Variants in METTL13 observed in about 807,000 individuals in gnomAD.
The protein encoded by METTL13 is methyltransferase 13, eEF1A N-terminus and K55.
Under a neutral mutation model 67.4 loss-of-function variants are expected in METTL13, and 52 were observed. The ratio of observed to expected loss-of-function variants is 0.77; its 90% CI spans 0.62 to 0.97. The LOEUF is 0.97. Among genes scored for constraint, METTL13 ranks in the 50% least tolerant of loss-of-function variants. METTL13 has a pLI of 0.00. For missense variants in METTL13, 825 were observed against 889.6 expected (o/e 0.93, Z 0.92); for synonymous variants, 354 against 353.6 (o/e 1.00, Z -0.01).
At chr1:171,785,100 G>A (rs1466378067) in intron 2 of METTL13, among the ~76,000 whole-genome samples, 1 of 152,202 alleles carries the variant, frequency 6.6e-6, no homozygotes, top group Non-Finnish European at 1.5e-5. Flanking sequence ...TAACTCTGGT[G>A]TAGTTGTGAG....
chr1:171,784,139 C>G lies in METTL13; in HGVS notation c.553C>G (p.Gln185Glu). ...GGAGGGGTGGATGGTGAGGGTGCAC[C>G]AAGTGGCCAACAGCCAGGACCAGGT... is the stretch of plus-strand genomic sequence containing the variant. ...SREGWMVRVH[Q>E]VANSQDQVLE... Residue 185 changes from glutamine to glutamate, a missense_variant, in exon 2 of 8, where the codon CAA becomes GAA. By Grantham distance (29) the Gln-to-Glu change is conservative (BLOSUM62 2). Coordinates refer to ENST00000361735, the MANE Select transcript of METTL13 (RefSeq NM_015935.5). 1 of 1,614,226 alleles carries G rather than the reference C, an allele frequency of 6.2e-7. No individual in the cohort carries two copies. The highest frequency in any genetic ancestry group is 8.5e-7 in the Non-Finnish European group (1 of 1,180,044).
At position 171,797,549 on chromosome 1, in the gene METTL13, A is replaced by T. The variant is rs2029870197; in HGVS notation, c.*793A>T. On this transcript the variant is annotated 3_prime_UTR_variant, in exon 8 of 8. Transcript: ENST00000361735. ...AGAATGACCAAAAACATTAGTAATGAAAGTTAATGTGTTCCAGGCATTCTT... is the reference window on the plus strand; with the variant it reads ...AGAATGACCAAAAACATTAGTAATGTAAGTTAATGTGTTCCAGGCATTCTT... 1 of 152,228 alleles carries T rather than the reference A, an allele frequency of 6.6e-6. No homozygotes were observed. Among genetic ancestry groups the T allele is most frequent in the Non-Finnish European group, 1.5e-5 (1 of 68,028 alleles). 9.4% of individuals were successfully genotyped at this position (152,228 alleles called of 1,614,324 possible).
intron 5 of METTL13, among the ~76,000 whole-genome samples, chr1:171,791,242 G>C (rs953299530): frequency 2.6e-5 from 4 of 152,154 alleles, no homozygotes; most frequent in African/African-American, 7.2e-5. Context: ...GTCTTCCTTT[G>C]ATCCCCCTGT....
At position 171,796,532 on chromosome 1, in the gene METTL13, G is replaced by A; in HGVS notation, c.1876G>A (p.Val626Met). Residue 626 changes from valine (V) to methionine (M), a missense_variant, in exon 8 of 8, where the codon GTG becomes ATG. Val to Met is a conservative substitution (Grantham distance 21, BLOSUM62 1). Coordinates refer to ENST00000361735, the MANE Select transcript of METTL13 (RefSeq NM_015935.5). ...CCGAGACTTGGGGCTAAAAGACTCA[G>A]TGCTGGCTGGGCTCAAGGCAGTGTT... is the stretch of plus-strand genomic sequence containing the variant. ...VCRDLGLKDS[V>M]LAGLKAVFPL... The A allele has an allele frequency of 6.2e-7, 1 of 1,614,202 alleles. No individual in the cohort carries two copies. Among genetic ancestry groups the A allele is most frequent in the Non-Finnish European group, 8.5e-7 (1 of 1,180,042 alleles).
At chr1:171,791,995 A>T (rs769974015) in intron 5 of METTL13, 22 bp from the exon 6 acceptor site, 2 of 1,611,740 alleles carry the variant, frequency 1.2e-6, no homozygotes, top group South Asian at 2.2e-5. Flanking sequence ...TGGCAATGTG[A>T]TGCTCTATTC....
chr1:171,792,262 G>A, intron 6 of METTL13, 27 bp downstream of exon 6: 1 of 1,612,690 alleles, frequency 6.2e-7, no homozygotes, highest in Non-Finnish European at 8.5e-7. Context: ...ATTTGAAGGG[G>A]TGTTGAGGGA....
At chr1:171,790,022 A>G (rs2124902800) in intron 4 of METTL13, among the ~76,000 whole-genome samples, 1 of 152,232 alleles carries the variant, frequency 6.6e-6, no homozygotes, top group East Asian at 1.9e-4. Context: ...GCATGGTACC[A>G]ACTTCTGCAT....
Position 171,791,997 on chromosome 1 carries a change from G to A in METTL13, c.1475-20G>A, listed in dbSNP as rs763077624. 3 of 1,611,720 alleles carry A rather than the reference G, an allele frequency of 1.9e-6. No individual in the cohort carries two copies. Among genetic ancestry groups the A allele is most frequent in the South Asian group, 1.1e-5 (1 of 90,970 alleles). ...TCCAGTGAACAGGTGGCAATGTGAT[G>A]CTCTATTCTTTTCTTACAGAGATCC... is the stretch of plus-strand genomic sequence containing the variant. On this transcript the variant is annotated intron_variant, in intron 5 of 7. Transcript: ENST00000361735.
intron 5 of METTL13, among the ~76,000 whole-genome samples, chr1:171,791,401 C>T (rs1007434004): frequency 4.6e-5 from 7 of 152,208 alleles, no homozygotes; most frequent in Admixed American, 2.6e-4. Context: ...TGCACCTCTG[C>T]TGCCTTGTAA....
At position 171,783,841 on chromosome 1, in the gene METTL13, G is replaced by A; in HGVS notation, c.255G>A (p.Lys85=). 6.2e-7 allele frequency: 1 copy of A among 1,614,232 alleles called. No homozygotes were observed. Among genetic ancestry groups the A allele is most frequent in the East Asian group, 2.2e-5 (1 of 44,884 alleles). ...TCGACATCAGTGAGGTTGTCATCAAGCAAATGAAGGAATGTAATGCCACCC... is the reference window on the plus strand; with the variant it reads ...TCGACATCAGTGAGGTTGTCATCAAACAAATGAAGGAATGTAATGCCACCC... The part of the protein sequence containing the change: ...VNIDISEVVI[K]QMKECNATRR... The change falls in exon 2 of 8, where the codon AAG becomes AAA. Residue 85 remains lysine (K), a synonymous_variant. Transcript: ENST00000361735.
At chr1:171,791,909 C>A (rs1657219989) in intron 5 of METTL13, 108 bp from the exon 6 acceptor site, 2 of 1,084,172 alleles carry the variant, frequency 1.8e-6, no homozygotes, top group African/African-American at 3.1e-5. Context: ...AATCTTGTAT[C>A]CCCTGAATGG....
chr1:171,789,032 G>T (rs548372435), intron 4 of METTL13, among the ~76,000 whole-genome samples: 1 of 152,230 alleles, frequency 6.6e-6, no homozygotes, highest in South Asian at 2.1e-4. Flanking sequence ...GCTGCAGGTT[G>T]GTCCAGTTTC....
rs182855103 is a variant in METTL13, at chr1:171,787,771, C to T, written c.1150C>T (p.Arg384Trp). Residue 384 changes from arginine (R) to tryptophan (W), a missense_variant, in exon 4 of 8, where the codon CGG (arginine) becomes TGG (tryptophan). Arg to Trp is a moderately radical substitution (Grantham distance 101). Coordinates refer to ENST00000361735, the MANE Select transcript of METTL13 (RefSeq NM_015935.5). ...FLSVGGDIGV[R>W]TVQHQDCSPL... ...GTCTGTGGGTGGGGACATTGGGGTC[C>T]GGACCGTTCAGCACCAAGACTGCAG... The T allele has an allele frequency of 8.1e-6, 13 of 1,614,096 alleles. No individual in the cohort carries two copies. Among genetic ancestry groups the T allele is most frequent in the African/African-American group, 1.3e-5 (1 of 75,016 alleles).
chr1:171,790,397 C>G (rs1394660789), intron 4 of METTL13, 55 bp from the exon 5 acceptor site: 1 of 1,429,084 alleles, frequency 7.0e-7, no homozygotes. Flanking sequence ...TGCCAGTAAC[C>G]CTTGCTTCCT....
intron 7 of METTL13, 90 bp downstream of exon 7, chr1:171,794,617 T>G (rs1657307439): frequency 6.4e-7 from 1 of 1,558,550 alleles, no homozygotes; most frequent in South Asian, 1.2e-5. Context: ...AAGTGCGAGC[T>G]CGATCAATTT....
chr1:171,794,363 A>C, intron 6 of METTL13, 33 bp from the exon 7 acceptor site: 2 of 1,613,904 alleles, frequency 1.2e-6, no homozygotes, highest in South Asian at 1.1e-5. Context: ...TTTATCCAGC[A>C]AAGACAAGGA....
In METTL13 at chr1:171,790,397, C is replaced by A. The variant is rs1394660789; in HGVS notation, c.1310-55C>A. On this transcript the variant is annotated intron_variant, in intron 4 of 7. Transcript: ENST00000361735. ...TCTGGAGCACACTGCTGCCAGTAAC[C>A]CTTGCTTCCTGAGGACTAGTGTACT... 3.5e-6 allele frequency: 5 copies of A among 1,429,084 alleles called. No individual in the cohort carries two copies. The African/African-American group carries it at 5.8e-5, about 17-fold the overall frequency. 88.5% of individuals were successfully genotyped at this position (1,429,084 alleles called of 1,614,324 possible).
At chr1:171,785,003 C>T (rs764070862) in intron 2 of METTL13, among the ~76,000 whole-genome samples, 1 of 152,182 alleles carries the variant, frequency 6.6e-6, no homozygotes, top group Non-Finnish European at 1.5e-5. Context: ...TGGAACCAGA[C>T]TGTTTGGGTT....
Position 171,796,863 on chromosome 1 carries a change from T to G in METTL13, c.*107T>G. ...TACTTTTGAAGCTTCGTATTTTTCT[T>G]GGTTTCACACTCAGCTACATGTGAC... On this transcript the variant is annotated 3_prime_UTR_variant, in exon 8 of 8. Coordinates refer to ENST00000361735, the MANE Select transcript of METTL13 (RefSeq NM_015935.5). 1 of 1,433,172 alleles carries G rather than the reference T, an allele frequency of 7.0e-7. No homozygotes were observed. The highest frequency in any genetic ancestry group is 9.4e-7 in the Non-Finnish European group (1 of 1,068,336). 88.8% of individuals were successfully genotyped at this position (1,433,172 alleles called of 1,614,324 possible).
Sources: allele counts gnomAD v4.1 joint callset (sites outside exome capture counted in the v4.1 genomes callset), GRCh38; gene constraint gnomAD v4.1.1; transcripts MANE v1.5; gene names NCBI Gene and HGNC (gene_info 2026-07-23, HGNC 2026-07-21).